The following ABCB11 variants were observed in gnomAD, a reference collection of about 807,000 sequenced individuals.
ABCB11 encodes the protein ATP binding cassette subfamily B member 11.
In ABCB11, 95 loss-of-function variants were observed where a neutral mutation model predicts 148.0. The ratio of observed to expected loss-of-function variants is 0.64; its 90% confidence interval spans 0.54 to 0.76. ABCB11 has a LOEUF of 0.76. Ranked by LOEUF, ABCB11 falls within the 30% of genes least tolerant of loss-of-function variation. The pLI is 0.00. For synonymous variants in ABCB11, 591 were observed against 555.4 expected (o/e 1.06, Z -0.90); for missense variants, 1,523 against 1,617.8 (o/e 0.94, Z 1.01).
chr2:168,972,059 C>A lies in ABCB11; in HGVS notation c.1435-9G>T, dbSNP rs1265957568. ...TGGCCATCCACGGTCACCTAGAGAG[C>A]ATGGGCACAACATCACAACTTTTGG... On this transcript the variant is annotated splice_polypyrimidine_tract_variant and intron_variant, in intron 13 of 27. Transcript: ENST00000650372. 2 of 1,609,890 alleles carry A rather than the reference C, an allele frequency of 1.2e-6. No homozygotes were observed. The highest frequency in any genetic ancestry group is 2.2e-5 in the South Asian group (2 of 90,872).
At chr2:168,996,484 A>G in intron 6 of ABCB11, 151 bp downstream of exon 6, 1 of 407,806 alleles carries the variant, frequency 2.5e-6, no homozygotes, top group Non-Finnish European at 4.3e-6. Context: ...ATCTGAGAGA[A>G]GAATCCCTCT....
Position 168,956,964 on chromosome 2 carries a change from G to C in ABCB11, c.2343+1000C>G, listed in dbSNP as rs148998272. 3.4e-4 allele frequency among the ~76,000 whole-genome samples: 52 copies of C among 151,780 alleles called. No homozygotes were observed. In the East Asian group the frequency reaches 9.6e-3, roughly 28 times the overall value. ...GTCCCCAACTGGGTAAGCTGCCTTAGATCCTCTCCTTTCTTATTTCTGGTG... is the reference window on the plus strand; with the variant it reads ...GTCCCCAACTGGGTAAGCTGCCTTACATCCTCTCCTTTCTTATTTCTGGTG... On this transcript the variant is annotated intron_variant, in intron 19 of 27. Transcript: ENST00000650372.
At chr2:168,970,273 G>A in intron 14 of ABCB11, 58 bp from the exon 15 acceptor site, 1 of 1,571,012 alleles carries the variant, frequency 6.4e-7, no homozygotes, top group East Asian at 2.3e-5. Flanking sequence ...TTCTGACAGT[G>A]ATCCACTATA....
In ABCB11 at chr2:169,029,733, T is replaced by A. The variant is rs1244776842; in HGVS notation, c.-28+1492A>T. 7.5e-5 allele frequency among the ~76,000 whole-genome samples: 4 copies of A among 53,654 alleles called. 1 individual carries two copies. Among genetic ancestry groups the A allele is most frequent in the Non-Finnish European group, 1.3e-4 (3 of 23,532 alleles). 35.2% of individuals were successfully genotyped at this position (53,654 alleles called of 152,430 possible). ...TGTACAGTTCTTTCCTCTTTTTTTT[T>A]TTTTTTTTTTTTTTTTTTTGAGAGG... is the stretch of plus-strand genomic sequence containing the variant. On this transcript the variant is annotated intron_variant, in intron 1 of 27. Coordinates refer to ENST00000650372, the MANE Select transcript of ABCB11 (RefSeq NM_003742.4).
chr2:168,922,141 G>A lies in ABCB11; in HGVS notation c.*1481C>T, dbSNP rs1691097852. The stretch of plus-strand genomic sequence containing the variant: ...TGGGATTACAGGAGTGAGCCACAGC[G>A]CCTGGCCCGACCTCTTTTCTAAGAT... On this transcript the variant is annotated 3_prime_UTR_variant, in exon 28 of 28. Coordinates refer to ENST00000650372, the MANE Select transcript of ABCB11 (RefSeq NM_003742.4). 6.6e-6 allele frequency among the ~76,000 whole-genome samples: 1 copy of A among 152,096 alleles called. No homozygotes were observed. Among genetic ancestry groups the A allele is most frequent in the African/African-American group, 2.4e-5 (1 of 41,414 alleles).
rs375615454 is a variant in ABCB11, at chr2:169,016,821, G to A, written c.77-22C>T. The A allele has an allele frequency of 1.4e-4, 224 of 1,566,266 alleles. No homozygotes were observed. Among genetic ancestry groups the A allele is most frequent in the Non-Finnish European group, 1.9e-4 (215 of 1,152,022 alleles). Reference sequence around the variant, plus strand: ...TTATCTGTCAGAAAAAAAAATCAACGCAAAAAAGCAGTTAATAATAATGAC... The same window carrying A: ...TTATCTGTCAGAAAAAAAAATCAACACAAAAAAGCAGTTAATAATAATGAC... On this transcript the variant is annotated intron_variant, in intron 2 of 27. Transcript: ENST00000650372.
chr2:169,023,351 G>A (rs956503811), intron 1 of ABCB11, among the ~76,000 whole-genome samples: 10 of 152,114 alleles, frequency 6.6e-5, no homozygotes, highest in East Asian at 3.9e-4. Context: ...GACTATCCCC[G>A]TTTTCCAGAT....
chr2:168,935,488 A>AC, intron 22 of ABCB11, 63 bp from the exon 23 acceptor site: 1 of 1,549,208 alleles, frequency 6.5e-7, no homozygotes. Flanking sequence ...GTGACATTTC[A>AC]GTGGCTGCCT....
chr2:168,949,913 G>A (rs995251590), intron 19 of ABCB11, among the ~76,000 whole-genome samples: 13 of 151,332 alleles, frequency 8.6e-5, no homozygotes, highest in South Asian at 2.1e-4. Context: ...AAACGAGCAA[G>A]ACTGGCCTAG....
chr2:168,917,588 G>A (rs1690964507), downstream of ABCB11, among the ~76,000 whole-genome samples: 1 of 152,322 alleles, frequency 6.6e-6, no homozygotes, highest in East Asian at 1.9e-4. Flanking sequence ...ATACAGGCCA[G>A]TGTAGCTCTA....
At position 168,921,869 on chromosome 2, in the gene ABCB11, T is replaced by C. The variant is rs1158978878; in HGVS notation, c.*1753A>G. ...CTCTTTTCTTTTTCTTTTTCTTTTT[T>C]TTTTTTTTTCGCTCTGTCGCCCAGG... On this transcript the variant is annotated 3_prime_UTR_variant, in exon 28 of 28. Transcript: ENST00000650372. Among the ~76,000 whole-genome samples, 9 of 150,306 alleles carry C rather than the reference T, an allele frequency of 6.0e-5. No homozygotes were observed. Among genetic ancestry groups the C allele is most frequent in the South Asian group, 4.2e-4 (2 of 4,736 alleles).
intron 1 of ABCB11, among the ~76,000 whole-genome samples, chr2:169,023,563 G>C (rs566928766): frequency 5.9e-5 from 9 of 152,334 alleles, no homozygotes; most frequent in African/African-American, 2.2e-4. Flanking sequence ...TAGACACACA[G>C]TGGAATATTA....
chr2:169,018,703 T>C (rs909556718), intron 1 of ABCB11, among the ~76,000 whole-genome samples: 1 of 152,144 alleles, frequency 6.6e-6, no homozygotes, highest in Non-Finnish European at 1.5e-5. Flanking sequence ...ATGATTAGTC[T>C]TATTCACAGT....
intron 25 of ABCB11, among the ~76,000 whole-genome samples, chr2:168,929,387 T>C (rs928480009): frequency 6.6e-6 from 1 of 151,920 alleles, no homozygotes; most frequent in Non-Finnish European, 1.5e-5. Context: ...AAGGTTTTCA[T>C]GAAGACAAAG....
chr2:169,024,419 T>A lies in ABCB11; in HGVS notation c.-27-6267A>T, dbSNP rs187354140. Among the ~76,000 whole-genome samples, 20 of 152,306 alleles carry A rather than the reference T, an allele frequency of 1.3e-4. No individual in the cohort carries two copies. In the East Asian group the frequency reaches 3.7e-3, roughly 28 times the overall value. Reference sequence around the variant, plus strand: ...TTTCTTAACCCTGGTGAATCTCTTTTAATTAAACAAATTAGAGCAGTTTTG... The same window carrying A: ...TTTCTTAACCCTGGTGAATCTCTTTAAATTAAACAAATTAGAGCAGTTTTG... On this transcript the variant is annotated intron_variant, in intron 1 of 27. Transcript: ENST00000650372.
intron 9 of ABCB11, among the ~76,000 whole-genome samples, chr2:168,987,615 G>C (rs187051967): frequency 6.6e-6 from 1 of 152,164 alleles, no homozygotes; most frequent in Non-Finnish European, 1.5e-5. Flanking sequence ...TTTTTTTGTA[G>C]AGATGAGGTT....
chr2:169,026,263 C>T (rs554430120), intron 1 of ABCB11, among the ~76,000 whole-genome samples: 3 of 152,296 alleles, frequency 2.0e-5, no homozygotes, highest in South Asian at 4.1e-4. Context: ...TGTTTTCTTT[C>T]TCAGCATCAA....
chr2:168,986,315 G>A lies in ABCB11; in HGVS notation c.909-31C>T, dbSNP rs55968806. The A allele has an allele frequency of 0.02, 31,256 of 1,577,984 alleles. 436 individuals carry two copies. Among genetic ancestry groups the A allele is most frequent in the African/African-American group, 0.063 (4,656 of 73,696 alleles). ...AAGACAAAATGCTTGAGTCAATTTC[G>A]GCAGAAACAGCTCAAGTTATAATGT... On this transcript the variant is annotated intron_variant, in intron 9 of 27. Coordinates refer to ENST00000650372, the MANE Select transcript of ABCB11 (RefSeq NM_003742.4).
In ABCB11 at chr2:168,995,514, C is replaced by T. The variant is rs145264184; in HGVS notation, c.478-32G>A. 3.9e-5 allele frequency: 62 copies of T among 1,587,644 alleles called. No individual in the cohort carries two copies. In the African/African-American group the frequency reaches 4.9e-4, roughly 13 times the overall value. ...ATGGACAAAGGAATGTTTAGCATTG[C>T]AATGTTTGAAATATTTGTTAATTTC... On this transcript the variant is annotated intron_variant, in intron 6 of 27. Transcript: ENST00000650372.
Sources: allele counts gnomAD v4.1 joint callset (sites outside exome capture counted in the v4.1 genomes callset), GRCh38; gene constraint gnomAD v4.1.1; transcripts MANE v1.5; gene names NCBI Gene and HGNC (gene_info 2026-07-23, HGNC 2026-07-21).